Variants in MCTP1 observed in about 807,000 individuals in gnomAD.
MCTP1 encodes the protein multiple C2 and transmembrane domain-containing protein 1.
A neutral mutation model predicts 120.6 loss-of-function variants in MCTP1; 69 were observed. The ratio of observed to expected loss-of-function variants is 0.57; its 90% confidence interval spans 0.47 to 0.70. The LOEUF is 0.70. MCTP1 is among the 30% of genes least tolerant of loss of function. The probability of loss-of-function intolerance (pLI) is 0.00; values close to 1 mark genes in which losing one functional copy is unlikely to be tolerated. For missense variants in MCTP1, 1,203 were observed against 1,248.8 expected, an observed-to-expected ratio of 0.96 and a Z score of 0.55; for synonymous variants, 529 against 493.1, an observed-to-expected ratio of 1.07 and a Z score of -0.96.
chr5:95,132,304 T>C (rs1582320151), intron 1 of MCTP1, among the ~76,000 whole-genome samples: 1 of 152,208 alleles, frequency 6.6e-6, no homozygotes, highest in African/African-American at 2.4e-5. Context: ...AATTAATTTT[T>C]AAAATCAAGT....
chr5:94,870,445 A>G lies in MCTP1; in HGVS notation c.2288T>C (p.Ile763Thr). The G allele has an allele frequency of 5.6e-6, 9 of 1,612,198 alleles. No homozygotes were observed. Among genetic ancestry groups the G allele is most frequent in the African/African-American group, 1.3e-5 (1 of 74,918 alleles). The change falls in exon 16 of 23, where the codon ATT (isoleucine) becomes ACT (threonine). Residue 763 changes from isoleucine (I) to threonine (T), a missense_variant. Transcript: ENST00000515393. The part of the protein sequence containing the change: ...RTLIPKEQKY[I>T]EEENRLSKQL... ...TTTAGAGAGTCTGTTTTCCTCTTCA[A>G]TGTACTTCTGTTCTTTGGGTATTAA...
At chr5:95,137,630 A>G (rs990635438) in intron 1 of MCTP1, among the ~76,000 whole-genome samples, 3 of 152,188 alleles carry the variant, frequency 2.0e-5, no homozygotes, top group Admixed American at 2.0e-4. Flanking sequence ...ACTGTGGCAC[A>G]TTTGTGGAAA....
At chr5:94,881,036 T>C (rs777810360) in intron 12 of MCTP1, among the ~76,000 whole-genome samples, 1 of 152,082 alleles carries the variant, frequency 6.6e-6, no homozygotes, top group Non-Finnish European at 1.5e-5. Context: ...CTCTTCCTGA[T>C]CTATAGAGGA....
intron 1 of MCTP1, among the ~76,000 whole-genome samples, chr5:95,195,659 T>A (rs960142584): frequency 6.6e-6 from 1 of 152,084 alleles, no homozygotes; most frequent in African/African-American, 2.4e-5. Flanking sequence ...GCCGAGTTGA[T>A]AGAGCGCTAA....
chr5:94,918,367 T>G (rs1251146705), intron 7 of MCTP1, among the ~76,000 whole-genome samples: 2 of 152,182 alleles, frequency 1.3e-5, no homozygotes, highest in African/African-American at 4.8e-5. Flanking sequence ...GTGATAAGCT[T>G]TCAGAAAAAT....
intron 17 of MCTP1, among the ~76,000 whole-genome samples, chr5:94,845,955 A>G (rs1792230285): frequency 6.6e-6 from 1 of 152,176 alleles, no homozygotes; most frequent in Non-Finnish European, 1.5e-5. Context: ...GTGAGATACC[A>G]TCTCACACCA....
At chr5:95,226,066 T>G (rs1754228637) in intron 1 of MCTP1, among the ~76,000 whole-genome samples, 1 of 152,114 alleles carries the variant, frequency 6.6e-6, no homozygotes, top group South Asian at 2.1e-4. Flanking sequence ...TCTTTCGCGG[T>G]GACTTGTGAG....
chr5:94,889,019 T>A, intron 11 of MCTP1, 47 bp from the exon 12 acceptor site: 1 of 1,239,268 alleles, frequency 8.1e-7, no homozygotes, highest in Non-Finnish European at 1.2e-6. Context: ...TCCCAAGGAG[T>A]CTTAAAGAGT....
Position 94,894,826 on chromosome 5 carries a change from G to A in MCTP1, c.1662C>T (p.Val554=), listed in dbSNP as rs370797491. Residue 554 remains valine, a synonymous_variant, in exon 11 of 23, where the codon GTC becomes GTT. Coordinates refer to ENST00000515393, the MANE Select transcript of MCTP1 (RefSeq NM_024717.7). The part of the protein sequence containing the change: ...KRDDFIGRCQ[V]DLSALSREQT... ...GTTCCCTACTGAGGGCTGACAGGTC[G>A]ACCTGGCACCTAGAGACAAATGTTT... 1.1e-5 allele frequency: 17 copies of A among 1,566,288 alleles called. No individual in the cohort carries two copies. Among genetic ancestry groups the A allele is most frequent in the South Asian group, 2.3e-5 (2 of 85,786 alleles).
intron 1 of MCTP1, among the ~76,000 whole-genome samples, chr5:95,259,728 T>C (rs1331577508): frequency 6.6e-6 from 1 of 152,006 alleles, no homozygotes; most frequent in African/African-American, 2.4e-5. Flanking sequence ...AGGATAATAT[T>C]CCCCTCCCCA....
At chr5:95,213,557 T>G (rs975506391) in intron 1 of MCTP1, among the ~76,000 whole-genome samples, 8 of 151,840 alleles carry the variant, frequency 5.3e-5, no homozygotes, top group African/African-American at 1.9e-4. Flanking sequence ...CATCGCCAAG[T>G]CAATCCTAAG....
At chr5:94,878,888 A>G (rs1799471289) in intron 12 of MCTP1, among the ~76,000 whole-genome samples, 3 of 151,996 alleles carry the variant, frequency 2.0e-5, no homozygotes, top group African/African-American at 7.2e-5. Context: ...AGGGTAGAGG[A>G]GGGGCACTGC....
chr5:94,949,021 C>A (rs986133817), intron 3 of MCTP1, among the ~76,000 whole-genome samples: 3 of 152,042 alleles, frequency 2.0e-5, no homozygotes, highest in African/African-American at 7.2e-5. Flanking sequence ...TTTAAAATGA[C>A]CATCTTAGAA....
chr5:94,708,634 A>T lies in MCTP1; in HGVS notation c.2831-25T>A. On this transcript the variant is annotated intron_variant, in intron 21 of 22. Transcript: ENST00000515393. Reference sequence around the variant, plus strand: ...CCTGAAACAAAGTTGGAGTTAAACAAAGCACATTTCTGACAAAAGTGTTGT... The same window carrying T: ...CCTGAAACAAAGTTGGAGTTAAACATAGCACATTTCTGACAAAAGTGTTGT... 3.5e-6 allele frequency: 5 copies of T among 1,425,394 alleles called. No individual in the cohort carries two copies. The South Asian group carries it at 5.7e-5, about 16-fold the overall frequency. 88.3% of individuals were successfully genotyped at this position (1,425,394 alleles called of 1,614,324 possible).
At chr5:94,724,377 C>G (rs67674687) in intron 19 of MCTP1, among the ~76,000 whole-genome samples, 33,669 of 150,592 alleles carry the variant, frequency 0.22, 3,866 homozygotes, top group East Asian at 0.35. Flanking sequence ...TCTTGAGTAG[C>G]GGGGACCACA....
At chr5:94,987,944 C>G (rs1490175076) in intron 2 of MCTP1, among the ~76,000 whole-genome samples, 1 of 152,084 alleles carries the variant, frequency 6.6e-6, no homozygotes, top group African/African-American at 2.4e-5. Flanking sequence ...TACATCTCAT[C>G]ATCAAAGTGT....
chr5:94,937,282 C>T (rs1177087525), intron 5 of MCTP1, among the ~76,000 whole-genome samples: 1 of 152,004 alleles, frequency 6.6e-6, no homozygotes, highest in East Asian at 1.9e-4. Context: ...TGCAAAAAAA[C>T]TTTTTGAGAT....
chr5:95,153,949 T>C (rs942689211), intron 1 of MCTP1, among the ~76,000 whole-genome samples: 9 of 152,172 alleles, frequency 5.9e-5, no homozygotes, highest in Non-Finnish European at 1.2e-4. Context: ...TCTAAAACAA[T>C]GTAAAAATTA....
intron 17 of MCTP1, among the ~76,000 whole-genome samples, chr5:94,810,345 C>T (rs1479027216): frequency 1.3e-5 from 2 of 152,182 alleles, no homozygotes; most frequent in Non-Finnish European, 2.9e-5. Flanking sequence ...ACAAATCTTA[C>T]ACCAATGTTT....
Sources: allele counts gnomAD v4.1 joint callset (sites outside exome capture counted in the v4.1 genomes callset), GRCh38; gene constraint gnomAD v4.1.1; transcripts MANE v1.5; gene names NCBI Gene and HGNC (gene_info 2026-07-23, HGNC 2026-07-21).